KCNH8: variants seen among roughly 807,000 people sequenced by gnomAD.
The protein encoded by KCNH8 is voltage-gated delayed rectifier potassium channel KCNH8.
In KCNH8, 70 loss-of-function variants were observed where a neutral mutation model predicts 103.6. The observed-to-expected ratio is 0.68, with a 90% CI of 0.56 to 0.82. The LOEUF (loss-of-function observed/expected upper bound fraction) is 0.82. Among genes scored for constraint, KCNH8 ranks in the 40% least tolerant of loss-of-function variants. The pLI is 0.00. For missense variants in KCNH8, 1,217 were observed against 1,329.9 expected (o/e 0.92, Z 1.32); for synonymous variants, 498 against 489.4 (o/e 1.02, Z -0.23).
intron 5 of KCNH8, among the ~76,000 whole-genome samples, chr3:19,352,590 C>T (rs1214718680): frequency 6.6e-6 from 1 of 152,120 alleles, no homozygotes; most frequent in Admixed American, 6.5e-5. Flanking sequence ...CACTCAAAAC[C>T]ACTCGACTAC....
At chr3:19,178,951 A>G (rs906335050) in intron 1 of KCNH8, among the ~76,000 whole-genome samples, 1 of 152,172 alleles carries the variant, frequency 6.6e-6, no homozygotes, top group Non-Finnish European at 1.5e-5. Context: ...GCAAAGAAGC[A>G]AGGTAGGAAT....
intron 3 of KCNH8, among the ~76,000 whole-genome samples, chr3:19,337,805 C>T (rs2065603996): frequency 6.6e-6 from 1 of 152,030 alleles, no homozygotes; most frequent in East Asian, 1.9e-4. Context: ...CTAATAAAAT[C>T]ACACATTACA....
chr3:19,446,943 T>C (rs1017062708), intron 8 of KCNH8, among the ~76,000 whole-genome samples: 17 of 152,020 alleles, frequency 1.1e-4, no homozygotes, highest in Non-Finnish European at 5.9e-5. Flanking sequence ...TTGAGGTTCC[T>C]TCCAAGACCT....
chr3:19,319,731 C>A (rs748717143), intron 3 of KCNH8, among the ~76,000 whole-genome samples: 4 of 151,978 alleles, frequency 2.6e-5, no homozygotes, highest in African/African-American at 7.2e-5. Context: ...ATGGAAATTG[C>A]ATTGAATTTG....
At chr3:19,314,159 A>G (rs1275315947) in intron 3 of KCNH8, among the ~76,000 whole-genome samples, 2 of 152,106 alleles carry the variant, frequency 1.3e-5, no homozygotes, top group South Asian at 2.1e-4. Flanking sequence ...AAAATTGTTT[A>G]TTTATATTTT....
chr3:19,245,607 A>C (rs1221715000), intron 1 of KCNH8, among the ~76,000 whole-genome samples: 1 of 152,098 alleles, frequency 6.6e-6, no homozygotes, highest in Non-Finnish European at 1.5e-5. Context: ...ACATTTATTT[A>C]TATCATCTCT....
intron 1 of KCNH8, among the ~76,000 whole-genome samples, chr3:19,199,002 A>G (rs987070290): frequency 2.0e-5 from 3 of 152,118 alleles, no homozygotes. Flanking sequence ...AACAGATGAT[A>G]AAGACTGACT....
rs1009573350 is a variant in KCNH8, at chr3:19,259,990, G to C, written c.310+6103G>C. Among the ~76,000 whole-genome samples the C allele has an allele frequency of 2.0e-5, 3 of 151,538 alleles. No homozygotes were observed. In the South Asian group the frequency reaches 6.2e-4, roughly 31 times the overall value. On this transcript the variant is annotated intron_variant, in intron 2 of 15. Coordinates refer to ENST00000328405, the MANE Select transcript of KCNH8 (RefSeq NM_144633.3). ...AGGGAGGGCTGAAGAGGCTTCTTTA[G>C]CATTGGGATGGGTAGAGGAAAAGAA...
chr3:19,321,671 G>A (rs1398401767), intron 3 of KCNH8, among the ~76,000 whole-genome samples: 2 of 150,738 alleles, frequency 1.3e-5, no homozygotes, highest in African/African-American at 5.0e-5. Flanking sequence ...TGGGTAGAAT[G>A]TTCTGTAAAT....
At chr3:19,206,502 T>C (rs547499943) in intron 1 of KCNH8, among the ~76,000 whole-genome samples, 1 of 151,876 alleles carries the variant, frequency 6.6e-6, no homozygotes, top group African/African-American at 2.4e-5. Flanking sequence ...ATTAAAATGG[T>C]TCTAAGTGGT....
chr3:19,300,202 T>C (rs987893138), intron 3 of KCNH8, among the ~76,000 whole-genome samples: 2 of 151,242 alleles, frequency 1.3e-5, no homozygotes, highest in Admixed American at 6.6e-5. Context: ...TGAGCCAAGA[T>C]TGCACCACTG....
chr3:19,276,536 G>A (rs1000919659), intron 2 of KCNH8, among the ~76,000 whole-genome samples: 1 of 152,044 alleles, frequency 6.6e-6, no homozygotes, highest in African/African-American at 2.4e-5. Flanking sequence ...GTTATATTGA[G>A]CAATGCACTA....
At chr3:19,227,863 C>T (rs2063949322) in intron 1 of KCNH8, among the ~76,000 whole-genome samples, 1 of 152,118 alleles carries the variant, frequency 6.6e-6, no homozygotes, top group African/African-American at 2.4e-5. Flanking sequence ...TACATGATGC[C>T]TGTGAAAAGA....
At chr3:19,470,709 G>A (rs1205201508) in intron 11 of KCNH8, among the ~76,000 whole-genome samples, 2 of 152,190 alleles carry the variant, frequency 1.3e-5, no homozygotes, top group Admixed American at 6.5e-5. Flanking sequence ...GGGTGGGTAG[G>A]CAGAGGTAGC....
intron 11 of KCNH8, among the ~76,000 whole-genome samples, chr3:19,487,959 G>C (rs1028897007): frequency 1.5e-4 from 23 of 152,236 alleles, no homozygotes; most frequent in Admixed American, 2.6e-4. Flanking sequence ...TCGGGTAAGG[G>C]GGTGACCGGG....
rs375473752 is a variant in KCNH8 at position 19,371,339 on chromosome 3, C to T, written c.812-19142C>T. 2.3e-3 allele frequency among the ~76,000 whole-genome samples: 347 copies of T among 151,844 alleles called. 2 individuals carry two copies. Among genetic ancestry groups the T allele is most frequent in the Non-Finnish European group, 3.8e-3 (257 of 67,886 alleles). On this transcript the variant is annotated intron_variant, in intron 5 of 15. Coordinates refer to ENST00000328405, the MANE Select transcript of KCNH8 (RefSeq NM_144633.3). ...AGATGGTATCTCATTGTGGTTTTGA[C>T]TTGCATTTCTCTGATGGCCAGTGAT...
chr3:19,303,591 G>T (rs1403355357), intron 3 of KCNH8, among the ~76,000 whole-genome samples: 3 of 152,092 alleles, frequency 2.0e-5, no homozygotes, highest in Non-Finnish European at 4.4e-5. Context: ...CCCCTGATAT[G>T]TGCATTGAGA....
At chr3:19,472,009 A>G (rs906365866) in intron 11 of KCNH8, among the ~76,000 whole-genome samples, 6 of 152,196 alleles carry the variant, frequency 3.9e-5, no homozygotes, top group Non-Finnish European at 8.8e-5. Flanking sequence ...CTTCAATTAG[A>G]AAGTTTTTTA....
chr3:19,375,915 C>CTGGGGGG (rs1296746017), intron 5 of KCNH8, among the ~76,000 whole-genome samples: 1 of 152,112 alleles, frequency 6.6e-6, no homozygotes, highest in Non-Finnish European at 1.5e-5. Context: ...AGTTAGGCTG[C>CTGGGGGG]TCGGGGGTCA....
Sources: gnomAD v4.1 joint callset for allele counts (sites outside exome capture counted in the v4.1 genomes callset) on GRCh38, gnomAD v4.1.1 for gene constraint, MANE v1.5 for transcripts, NCBI Gene and HGNC (gene_info 2026-07-23, HGNC 2026-07-21) for gene names.